Variants in SYNE2 observed in about 807,000 individuals in gnomAD.
The protein encoded by SYNE2 is nesprin-2.
In SYNE2, 431 loss-of-function variants were observed where a neutral mutation model predicts 856.3. The ratio of observed to expected loss-of-function variants is 0.50; its 90% CI spans 0.47 to 0.55. The LOEUF is 0.55. Among genes scored for constraint, SYNE2 ranks in the 20% least tolerant of loss-of-function variants. The probability of loss-of-function intolerance (pLI) is 0.00; values close to 1 mark genes in which losing one functional copy is unlikely to be tolerated. For synonymous variants in SYNE2, 2,923 were observed against 2,872.3 expected (o/e 1.02, Z -0.56); for missense variants, 8,129 against 8,023.2 (o/e 1.01, Z -0.50).
intron 1 of SYNE2, among the ~76,000 whole-genome samples, chr14:63,829,909 G>A (rs1224058402): frequency 2.0e-5 from 3 of 152,026 alleles, no homozygotes; most frequent in East Asian, 1.9e-4. Context: ...ATGAGGCACT[G>A]TGCCCAGACA....
At chr14:63,953,816 C>G (rs1262950410) in intron 7 of SYNE2, among the ~76,000 whole-genome samples, 1 of 152,218 alleles carries the variant, frequency 6.6e-6, no homozygotes, top group African/African-American at 2.4e-5. Context: ...CTCTACATAC[C>G]TCATATGAGT....
chr14:64,115,754 A>C (rs968140927), intron 66 of SYNE2, among the ~76,000 whole-genome samples: 1 of 152,208 alleles, frequency 6.6e-6, no homozygotes, highest in Non-Finnish European at 1.5e-5. Flanking sequence ...TTTATATAAC[A>C]TAACACAATA....
At chr14:63,985,806 C>T (rs1251805342) in intron 18 of SYNE2, among the ~76,000 whole-genome samples, 1 of 152,116 alleles carries the variant, frequency 6.6e-6, no homozygotes, top group Non-Finnish European at 1.5e-5. Flanking sequence ...CCCAGGAGTT[C>T]AAGATCAGCC....
chr14:64,162,568 G>T, intron 88 of SYNE2: 1 of 438,026 alleles, frequency 2.3e-6, no homozygotes, highest in Non-Finnish European at 4.3e-6. Context: ...GAAATCTGAA[G>T]TAAAAGCAAG....
intron 1 of SYNE2, among the ~76,000 whole-genome samples, chr14:63,804,522 T>C (rs986594779): frequency 6.6e-6 from 1 of 152,140 alleles, no homozygotes; most frequent in African/African-American, 2.4e-5. Flanking sequence ...AGTTGAAGTT[T>C]CGCTCTTGTT....
chr14:64,077,894 A>G (rs933399375), intron 54 of SYNE2, among the ~76,000 whole-genome samples: 1 of 152,216 alleles, frequency 6.6e-6, no homozygotes, highest in Non-Finnish European at 1.5e-5. Flanking sequence ...TGGCTGGGAA[A>G]ACATCTACAA....
At chr14:63,807,671 ATTTT>A (rs57982905) in intron 1 of SYNE2, among the ~76,000 whole-genome samples, 1 of 140,746 alleles carries the variant, frequency 7.1e-6, no homozygotes. Flanking sequence ...TTTCCTTACC[ATTTT>A]TTTTTTTGAA....
At chr14:64,154,168 TAAAAAA>T (rs5809216) in intron 85 of SYNE2, among the ~76,000 whole-genome samples, 1 of 138,002 alleles carries the variant, frequency 7.2e-6, no homozygotes, top group Non-Finnish European at 1.6e-5. Context: ...CCATTTGTAT[TAAAAAA>T]AAAAAAAAAG....
At position 64,134,113 on chromosome 14, in the gene SYNE2, C is replaced by T. The variant is rs1812510141; in HGVS notation, c.14559C>T (p.Asp4853=). The T allele has an allele frequency of 1.2e-6, 2 of 1,613,904 alleles. No individual in the cohort carries two copies. Among genetic ancestry groups the T allele is most frequent in the Non-Finnish European group, 1.7e-6 (2 of 1,179,900 alleles). Residue 4853 remains aspartate (D), a synonymous_variant, in exon 78 of 116, where the codon GAC becomes GAT. Coordinates refer to ENST00000555002, the MANE Select transcript of SYNE2 (RefSeq NM_182914.3). ...FDENYASLEK[D]LEILISTLPS... The stretch of plus-strand genomic sequence containing the variant: ...AAAACTATGCATCTCTTGAAAAGGA[C>T]CTGGAAATTCTTATATCTACATTGC...
rs149128439 is a variant in SYNE2 at position 64,208,788 on chromosome 14, G to A, written c.18232G>A (p.Ala6078Thr). 5.6e-5 allele frequency: 90 copies of A among 1,614,230 alleles called. No homozygotes were observed. Among genetic ancestry groups the A allele is most frequent in the African/African-American group, 5.1e-4 (38 of 75,054 alleles). The change falls in exon 101 of 116, where the codon GCA (alanine) becomes ACA (threonine). Residue 6078 changes from alanine (A) to threonine (T), a missense_variant. By Grantham distance (58) the Ala-to-Thr change is moderately conservative (BLOSUM62 0). Coordinates refer to ENST00000555002, the MANE Select transcript of SYNE2 (RefSeq NM_182914.3). ...DLQRDIEQHS[A>T]GVESVFNICD... ...ACAGCGAGATATTGAACAACACAGC[G>A]CAGGGGTGGAGTCCGTGTTTAACAT... is the stretch of plus-strand genomic sequence containing the variant.
At chr14:63,789,562 A>C (rs1887657864) in intron 1 of SYNE2, among the ~76,000 whole-genome samples, 1 of 152,090 alleles carries the variant, frequency 6.6e-6, no homozygotes, top group Non-Finnish European at 1.5e-5. Context: ...CAGGCAGATC[A>C]CCTGAGGTCA....
At position 64,167,532 on chromosome 14, in the gene SYNE2, T is replaced by G; in HGVS notation, c.16798T>G (p.Tyr5600Asp). ...AATTGGATTGAATGAAAAGTTTCTT[T>G]ATTGCTGTGAAAAGTGGATCCAACT... ...QGIGLNEKFL[Y>D]CCEKWIQLLE... Residue 5600 changes from tyrosine (Y) to aspartate (D), a missense_variant, in exon 92 of 116, where the codon TAT (tyrosine) becomes GAT (aspartate). Around this residue, in one of 3 missense-constraint regions of SYNE2, gnomAD observed 5,410 missense variants for 5,284.8 expected, o/e 1.02. Coordinates refer to ENST00000555002, the MANE Select transcript of SYNE2 (RefSeq NM_182914.3). The G allele has an allele frequency of 1.2e-6, 2 of 1,614,254 alleles. No individual in the cohort carries two copies. The highest frequency in any genetic ancestry group is 2.2e-5 in the East Asian group (1 of 44,890).
intron 49 of SYNE2, among the ~76,000 whole-genome samples, chr14:64,060,617 G>A (rs1032746019): frequency 6.6e-6 from 1 of 152,060 alleles, no homozygotes. Flanking sequence ...TTGGAGGAGG[G>A]GTAATTCCAA....
At chr14:63,833,985 A>G (rs1171267956) in intron 1 of SYNE2, among the ~76,000 whole-genome samples, 1 of 152,132 alleles carries the variant, frequency 6.6e-6, no homozygotes, top group East Asian at 1.9e-4. Context: ...GCTATCACCT[A>G]GTAAGAATGA....
At chr14:63,860,078 C>T (rs1001328455) in intron 1 of SYNE2, among the ~76,000 whole-genome samples, 1 of 151,866 alleles carries the variant, frequency 6.6e-6, no homozygotes, top group Non-Finnish European at 1.5e-5. Context: ...GCAACCTCTG[C>T]CTCTCTGGCC....
chr14:63,773,819 T>G (rs1316468216), intron 1 of SYNE2, among the ~76,000 whole-genome samples: 2 of 152,218 alleles, frequency 1.3e-5, no homozygotes, highest in Non-Finnish European at 2.9e-5. Context: ...CAGATACCAA[T>G]GCATTTGCCT....
At chr14:64,126,188 A>T in intron 71 of SYNE2, 139 bp from the exon 72 acceptor site, 1 of 713,804 alleles carries the variant, frequency 1.4e-6, no homozygotes, top group Non-Finnish European at 2.4e-6. Context: ...TCTGCTACCT[A>T]GTTCACAAAG....
intron 1 of SYNE2, among the ~76,000 whole-genome samples, chr14:63,807,954 C>T (rs2139817197): frequency 6.9e-6 from 1 of 145,662 alleles, no homozygotes; most frequent in African/African-American, 2.5e-5. Context: ...CACCCATTAC[C>T]TGAACAGTGT....
At chr14:64,048,981 G>T (rs140279452) in intron 46 of SYNE2, 16 of 150,208 alleles carry the variant, frequency 1.1e-4, no homozygotes, top group African/African-American at 3.9e-4. Context: ...CAATAAACAC[G>T]CATCTAAAAT....
Sources: allele counts gnomAD v4.1 joint callset (sites outside exome capture counted in the v4.1 genomes callset), GRCh38; gene constraint gnomAD v4.1.1; regional missense constraint gnomAD v4.1.1; transcripts MANE v1.5; gene names NCBI Gene and HGNC (gene_info 2026-07-23, HGNC 2026-07-21).